The following PTPRN2 variants were observed in gnomAD, a reference collection of about 807,000 sequenced individuals.
PTPRN2 encodes receptor-type tyrosine-protein phosphatase N2.
A neutral mutation model predicts 118.8 loss-of-function variants in PTPRN2; 74 were observed. The ratio of observed to expected loss-of-function variants is 0.62; its 90% CI spans 0.52 to 0.76. PTPRN2 has a LOEUF of 0.76. Among genes scored for constraint, PTPRN2 ranks in the 30% least tolerant of loss-of-function variants. PTPRN2 has a pLI of 0.00. For missense variants in PTPRN2, 1,481 were observed against 1,394.4 expected, an observed-to-expected ratio of 1.06 and a Z score of -0.99; for synonymous variants, 641 against 608.0, an observed-to-expected ratio of 1.05 and a Z score of -0.80.
chr7:157,918,281 T>C (rs1798520126), intron 11 of PTPRN2, among the ~76,000 whole-genome samples: 1 of 152,230 alleles, frequency 6.6e-6, no homozygotes. Context: ...TTGAAGTTGA[T>C]AATGAGAAAT....
At position 157,619,923 on chromosome 7, in the gene PTPRN2, G is replaced by T. The variant is rs528940125; in HGVS notation, c.2344+1439C>A. Among the ~76,000 whole-genome samples, 3 of 152,308 alleles carry T rather than the reference G, an allele frequency of 2.0e-5. No homozygotes were observed. The South Asian group carries it at 6.2e-4, about 32-fold the overall frequency. On this transcript the variant is annotated intron_variant, in intron 15 of 22. Coordinates refer to ENST00000389418, the MANE Select transcript of PTPRN2 (RefSeq NM_002847.5). The surrounding 1 kb of genome is among the most constrained non-coding windows in gnomAD (Gnocchi z 5.3). ...AGGGTTGAGGCAGGGACACAGTGAC[G>T]GAGAGACGGCCTCGGCCACAGGGGA...
chr7:158,229,561 A>C (rs1829034236), intron 3 of PTPRN2, among the ~76,000 whole-genome samples: 1 of 152,104 alleles, frequency 6.6e-6, no homozygotes, highest in Admixed American at 6.5e-5. Flanking sequence ...AAATTCAAAC[A>C]GAAATCTTGG....
At chr7:158,344,734 G>A (rs997838155) in intron 2 of PTPRN2, among the ~76,000 whole-genome samples, 1 of 152,036 alleles carries the variant, frequency 6.6e-6, no homozygotes, top group Admixed American at 6.6e-5. Flanking sequence ...ACGCTCTGAC[G>A]GTGCACGATT....
At chr7:158,414,692 T>C (rs7457884) in intron 2 of PTPRN2, among the ~76,000 whole-genome samples, 144,140 of 152,284 alleles carry the variant, frequency 0.95, 68,300 homozygotes, top group East Asian at 0.97. Flanking sequence ...CATTGTGCCG[T>C]GCCTCCCGCC....
rs111525251 is a variant in PTPRN2, at chr7:157,587,405, G to A, written c.2496+7833C>T. ...TGGCAGGCAGTTGGAAGGAAACACC[G>A]TTAAATTCTTTGGGTCTTCCACAGT... On this transcript the variant is annotated intron_variant, in intron 17 of 22. Transcript: ENST00000389418. The surrounding 1 kb of genome is among the most constrained non-coding windows in gnomAD (Gnocchi z 5.3). 2.7e-4 allele frequency among the ~76,000 whole-genome samples: 41 copies of A among 152,316 alleles called. No individual in the cohort carries two copies. Among genetic ancestry groups the A allele is most frequent in the African/African-American group, 9.4e-4 (39 of 41,570 alleles).
intron 1 of PTPRN2, among the ~76,000 whole-genome samples, chr7:158,495,181 CAA>C (rs910933954): frequency 2.6e-5 from 4 of 152,202 alleles, no homozygotes; most frequent in Non-Finnish European, 4.4e-5. Flanking sequence ...TGATTCCTGT[CAA>C]AGCCATGTTT....
intron 3 of PTPRN2, among the ~76,000 whole-genome samples, chr7:158,252,493 C>T (rs1157951356): frequency 6.6e-6 from 1 of 152,118 alleles, no homozygotes; most frequent in South Asian, 2.1e-4. Context: ...GACCTGATAG[C>T]CCGGAGCCCT....
intron 1 of PTPRN2, among the ~76,000 whole-genome samples, chr7:158,498,715 T>C (rs1822136210): frequency 6.6e-6 from 1 of 152,244 alleles, no homozygotes; most frequent in African/African-American, 2.4e-5. Flanking sequence ...AAAAAGTATC[T>C]GATGAAAATC....
chr7:157,754,642 TG>T (rs144669500), intron 12 of PTPRN2, among the ~76,000 whole-genome samples: 15 of 152,146 alleles, frequency 9.9e-5, no homozygotes, highest in African/African-American at 1.9e-4. Context: ...GTGCCCAGTC[TG>T]GGGGGGCCCT....
At chr7:157,841,866 C>G (rs1234475181) in intron 12 of PTPRN2, among the ~76,000 whole-genome samples, 1 of 151,746 alleles carries the variant, frequency 6.6e-6, no homozygotes, top group Non-Finnish European at 1.5e-5. Flanking sequence ...TCCTGCGGGC[C>G]TGCAGCCTGC....
chr7:158,076,333 G>A (rs962762586), intron 11 of PTPRN2, among the ~76,000 whole-genome samples: 7 of 152,110 alleles, frequency 4.6e-5, no homozygotes, highest in South Asian at 2.1e-4. Context: ...GTGTGGGAGC[G>A]TGGATGGCTT....
At chr7:158,520,822 GT>G (rs1301796093) in intron 1 of PTPRN2, among the ~76,000 whole-genome samples, 5 of 152,182 alleles carry the variant, frequency 3.3e-5, no homozygotes, top group Non-Finnish European at 5.9e-5. Flanking sequence ...GCACGTCCTG[GT>G]TTCCATGTCT....
intron 22 of PTPRN2, among the ~76,000 whole-genome samples, chr7:157,543,206 G>A (rs573057529): frequency 3.9e-4 from 60 of 152,360 alleles, no homozygotes; most frequent in Non-Finnish European, 7.1e-4. Context: ...CAGGAGGGGT[G>A]CAAAGCCTCC....
intron 1 of PTPRN2, among the ~76,000 whole-genome samples, chr7:158,562,852 T>C (rs1827469889): frequency 6.6e-6 from 1 of 152,188 alleles, no homozygotes; most frequent in South Asian, 2.1e-4. Flanking sequence ...AACAATCCCA[T>C]GTATGGACAA....
intron 11 of PTPRN2, among the ~76,000 whole-genome samples, chr7:157,902,302 G>T (rs1797506476): frequency 6.9e-6 from 1 of 144,624 alleles, no homozygotes; most frequent in African/African-American, 2.6e-5. Context: ...GAGAAGTGTG[G>T]TGCCGCCAAC....
At position 157,783,164 on chromosome 7, in the gene PTPRN2, G is replaced by A. The variant is rs1403216027; in HGVS notation, c.1789-100227C>T. On this transcript the variant is annotated intron_variant, in intron 12 of 22. Coordinates refer to ENST00000389418, the MANE Select transcript of PTPRN2 (RefSeq NM_002847.5). ...CTTCTGCTGTGATTGTAAGTTTCCT[G>A]AGGCCTCCTCAGCCCTGCAGAACTG... 2.6e-5 allele frequency among the ~76,000 whole-genome samples: 4 copies of A among 152,154 alleles called. No homozygotes were observed. In the East Asian group the frequency reaches 7.7e-4, roughly 29 times the overall value.
chr7:158,362,017 C>T (rs1034388471), intron 2 of PTPRN2, among the ~76,000 whole-genome samples: 6 of 152,236 alleles, frequency 3.9e-5, no homozygotes, highest in Non-Finnish European at 8.8e-5. Flanking sequence ...TGGGTTCCAT[C>T]TTTCCTCCGT....
chr7:158,209,352 G>T (rs1323895525), intron 3 of PTPRN2, among the ~76,000 whole-genome samples: 1 of 152,038 alleles, frequency 6.6e-6, no homozygotes, highest in Non-Finnish European at 1.5e-5. Flanking sequence ...AGAAAGGGAT[G>T]GAAAAAGATA....
chr7:158,180,548 T>C (rs187520252), intron 5 of PTPRN2, among the ~76,000 whole-genome samples: 1 of 152,372 alleles, frequency 6.6e-6, no homozygotes, highest in Admixed American at 6.5e-5. Flanking sequence ...GTGGGCATTT[T>C]CATGAAATTC....
Sources: gnomAD v4.1 joint callset for allele counts (sites outside exome capture counted in the v4.1 genomes callset) on GRCh38, gnomAD v4.1.1 for gene constraint, Gnocchi (gnomAD v3.1) non-coding constraint, MANE v1.5 for transcripts, NCBI Gene and HGNC (gene_info 2026-07-23, HGNC 2026-07-21) for gene names.